CNPY1: variants seen among roughly 807,000 people sequenced by gnomAD.
CNPY1 encodes the protein protein canopy homolog 1.
A neutral mutation model predicts 14.4 loss-of-function variants in CNPY1; 14 were observed. The ratio of observed to expected loss-of-function variants is 0.97; its 90% CI spans 0.64 to 1.52. The LOEUF (loss-of-function observed/expected upper bound fraction) is 1.52. CNPY1 is among the 40% of genes most tolerant of loss of function. The pLI is 0.00. For synonymous variants in CNPY1, 43 were observed against 46.5 expected (o/e 0.92, Z 0.31); for missense variants, 129 against 131.5 (o/e 0.98, Z 0.09).
chr7:155,533,202 C>T lies in CNPY1; in HGVS notation c.99+12629G>A, dbSNP rs1733956476. ...CTCCCAAACGGCGCGGCCTCGCTCACCCTCAAAACCCACTCCGCGCCCGAC... is the reference window on the plus strand; with the variant it reads ...CTCCCAAACGGCGCGGCCTCGCTCATCCTCAAAACCCACTCCGCGCCCGAC... On this transcript the variant is annotated intron_variant, in intron 2 of 4. Transcript: ENST00000636446. Among the ~76,000 whole-genome samples, 4 of 152,306 alleles carry T rather than the reference C, an allele frequency of 2.6e-5. No individual in the cohort carries two copies. In the South Asian group the frequency reaches 8.3e-4, roughly 32 times the overall value.
chr7:155,534,303 GCATGCACACACACA>G (rs1375429270), intron 2 of CNPY1, among the ~76,000 whole-genome samples: 1 of 152,078 alleles, frequency 6.6e-6, no homozygotes, highest in South Asian at 2.1e-4. Context: ...ACTCACACGT[GCATGCACACACACA>G]CATGCACACA....
intron 2 of CNPY1, among the ~76,000 whole-genome samples, chr7:155,539,795 G>A (rs1372325247): frequency 1.3e-5 from 2 of 152,220 alleles, no homozygotes; most frequent in East Asian, 3.8e-4. Flanking sequence ...TTTTCATGGA[G>A]GAGAGGGAAG....
At chr7:155,538,922 C>T (rs1797054040) in intron 2 of CNPY1, among the ~76,000 whole-genome samples, 1 of 152,176 alleles carries the variant, frequency 6.6e-6, no homozygotes, top group Non-Finnish European at 1.5e-5. Context: ...CCCTAGTCCA[C>T]ACCACATGTA....
At chr7:155,512,595 T>TA (rs1456708958) in intron 2 of CNPY1, among the ~76,000 whole-genome samples, 1 of 152,248 alleles carries the variant, frequency 6.6e-6, no homozygotes, top group African/African-American at 2.4e-5. Context: ...GATAACACTT[T>TA]AATAACGGCC....
chr7:155,531,125 C>T (rs918988028), intron 2 of CNPY1, among the ~76,000 whole-genome samples: 3 of 152,220 alleles, frequency 2.0e-5, no homozygotes, highest in Admixed American at 6.5e-5. Flanking sequence ...CAGAACCAAT[C>T]TGACTGTCCC....
chr7:155,542,280 T>C (rs1027159582), intron 2 of CNPY1, among the ~76,000 whole-genome samples: 2 of 150,352 alleles, frequency 1.3e-5, no homozygotes, highest in African/African-American at 5.0e-5. Flanking sequence ...AAGTCCTGCT[T>C]GGTCCTGCCA....
intron 2 of CNPY1, among the ~76,000 whole-genome samples, chr7:155,534,158 C>G (rs145719035): frequency 6.6e-6 from 1 of 152,200 alleles, no homozygotes; most frequent in Admixed American, 6.5e-5. Flanking sequence ...CTTTCCTTTC[C>G]CCTGACCCAG....
chr7:155,510,936 T>C (rs745850972), intron 2 of CNPY1, among the ~76,000 whole-genome samples: 68 of 152,236 alleles, frequency 4.5e-4, no homozygotes, highest in Non-Finnish European at 9.3e-4. Context: ...AGCGGAAAGA[T>C]TACGGAGGTT....
intron 2 of CNPY1, 117 bp from the exon 3 acceptor site, chr7:155,509,214 C>T (rs1251867493): frequency 3.5e-6 from 2 of 578,258 alleles, no homozygotes; most frequent in Non-Finnish European, 5.9e-6. Context: ...TGTGCCACTT[C>T]CCTAGCACGG....
rs973541911 is a variant in CNPY1 at position 155,536,571 on chromosome 7, G to C, written c.99+9260C>G. 6.6e-6 allele frequency among the ~76,000 whole-genome samples: 1 copy of C among 152,160 alleles called. No individual in the cohort carries two copies. Among genetic ancestry groups the C allele is most frequent in the African/African-American group, 2.4e-5 (1 of 41,440 alleles). On this transcript the variant is annotated intron_variant, in intron 2 of 4. Coordinates refer to ENST00000636446, the MANE Select transcript of CNPY1 (RefSeq NM_001393663.1). The surrounding 1 kb of genome is among the most constrained non-coding windows in gnomAD (Gnocchi z 4.1). ...TGTGCTGGAGTCCCAGCCGTGGAAC[G>C]TAGGCAGAAGCAAGGCCCCTCCCTG...
In CNPY1 at chr7:155,509,065, C is replaced by T. The variant is rs764954638; in HGVS notation, c.132G>A (p.Thr44=). The T allele has an allele frequency of 2.5e-6, 4 of 1,604,198 alleles. No homozygotes were observed. The highest frequency in any genetic ancestry group is 3.4e-6 in the Non-Finnish European group (4 of 1,177,070). The change falls in exon 3 of 5, where the codon ACG becomes ACA. Residue 44 remains threonine, a synonymous_variant. Transcript: ENST00000636446. The part of the protein sequence containing the change: ...IPLAQSEAFL[T]DLLEKVCERM... ...GCTCACAGACTTTCTCCAAAAGATCCGTTAGGAACGCCTCCGACTGAGCTA... is the reference window on the plus strand; with the variant it reads ...GCTCACAGACTTTCTCCAAAAGATCTGTTAGGAACGCCTCCGACTGAGCTA...
chr7:155,539,412 C>T (rs932632816), intron 2 of CNPY1, among the ~76,000 whole-genome samples: 11 of 152,166 alleles, frequency 7.2e-5, no homozygotes, highest in Admixed American at 3.3e-4. Context: ...TGCCACTACA[C>T]GGATTTCATG....
At chr7:155,508,207 G>GT (rs1431609336) in intron 3 of CNPY1, among the ~76,000 whole-genome samples, 46 of 152,292 alleles carry the variant, frequency 3.0e-4, no homozygotes, top group Admixed American at 2.9e-3. Flanking sequence ...ATATTGCAAC[G>GT]TATTTTGCCA....
chr7:155,516,957 C>T (rs182619405), intron 2 of CNPY1, among the ~76,000 whole-genome samples: 1 of 152,278 alleles, frequency 6.6e-6, no homozygotes, highest in South Asian at 2.1e-4. Context: ...TCTCCGCCAC[C>T]CTGGCCTTTA....
chr7:155,507,319 G>A (rs1237829834), intron 3 of CNPY1, among the ~76,000 whole-genome samples: 1 of 151,676 alleles, frequency 6.6e-6, no homozygotes, highest in East Asian at 1.9e-4. Flanking sequence ...ATTTTCCTGG[G>A]GCTTAAGTAA....
At position 155,502,164 on chromosome 7, in the gene CNPY1, A is replaced by G. The variant is rs1796136908; in HGVS notation, c.*904T>C. 2 of 152,178 alleles carry G rather than the reference A, an allele frequency of 1.3e-5. No homozygotes were observed. Among genetic ancestry groups the G allele is most frequent in the South Asian group, 4.1e-4 (2 of 4,828 alleles). 9.4% of individuals were successfully genotyped at this position (152,178 alleles called of 1,614,324 possible). A position where few individuals can be genotyped will look rare whatever the true frequency, so the allele number is the denominator to read the frequency against. Reference sequence around the variant, plus strand: ...AGAGATAAAGAAATTTCCGGGAGTGATTGTTACTAGACTTTGTATATTAAG... The same window carrying G: ...AGAGATAAAGAAATTTCCGGGAGTGGTTGTTACTAGACTTTGTATATTAAG... On this transcript the variant is annotated 3_prime_UTR_variant, in exon 5 of 5. Coordinates refer to ENST00000636446, the MANE Select transcript of CNPY1 (RefSeq NM_001393663.1).
intron 4 of CNPY1, among the ~76,000 whole-genome samples, chr7:155,504,689 A>AACACACAC (rs61377945): frequency 0.026 from 3,772 of 145,230 alleles, 62 homozygotes; most frequent in Admixed American, 0.033. Context: ...CATACCCCCC[A>AACACACAC]ACACACACAC....
intron 2 of CNPY1, among the ~76,000 whole-genome samples, chr7:155,528,594 T>G (rs1302685343): frequency 6.6e-6 from 1 of 152,198 alleles, no homozygotes; most frequent in African/African-American, 2.4e-5. Context: ...TGTCCCCGCA[T>G]AGGCAGGACA....
At chr7:155,544,842 C>T (rs1373326801) in intron 2 of CNPY1, among the ~76,000 whole-genome samples, 1 of 152,190 alleles carries the variant, frequency 6.6e-6, no homozygotes, top group African/African-American at 2.4e-5. Context: ...AAAAGGGACC[C>T]CTGAGAGCCC....
Sources: gnomAD v4.1 joint callset for allele counts (sites outside exome capture counted in the v4.1 genomes callset) on GRCh38, gnomAD v4.1.1 for gene constraint, Gnocchi (gnomAD v3.1) non-coding constraint, MANE v1.5 for transcripts, NCBI Gene and HGNC (gene_info 2026-07-23, HGNC 2026-07-21) for gene names.